AUTS2: variants seen among roughly 807,000 people sequenced by gnomAD.
AUTS2 encodes autism susceptibility gene 2 protein.
AUTS2 carries 17 observed loss-of-function variants against 112.4 expected under a neutral mutation model. The ratio of observed to expected loss-of-function variants is 0.15; its 90% CI spans 0.10 to 0.23. The LOEUF (loss-of-function observed/expected upper bound fraction) is 0.23, where lower values mean the gene tolerates loss of function less well. AUTS2 is among the 10% of genes least tolerant of loss of function. The probability of loss-of-function intolerance (pLI) is 1.00; values close to 1 mark genes in which losing one functional copy is unlikely to be tolerated. For synonymous variants in AUTS2, 751 were observed against 702.7 expected, an observed-to-expected ratio of 1.07 and a Z score of -1.09; for missense variants, 1,510 against 1,701.6, an observed-to-expected ratio of 0.89 and a Z score of 1.98.
intron 4 of AUTS2, among the ~76,000 whole-genome samples, chr7:70,186,501 C>T (rs914272635): frequency 1.8e-4 from 28 of 151,982 alleles, no homozygotes; most frequent in Admixed American, 1.3e-4. Context: ...ATAAGTTGTT[C>T]AGATAATTGC....
At chr7:70,211,581 G>C (rs1450683976) in intron 4 of AUTS2, among the ~76,000 whole-genome samples, 1 of 151,490 alleles carries the variant, frequency 6.6e-6, no homozygotes, top group Non-Finnish European at 1.5e-5. Flanking sequence ...CCTGGGAGGC[G>C]GAGGTTGCAG....
intron 4 of AUTS2, among the ~76,000 whole-genome samples, chr7:70,231,148 T>C (rs992530824): frequency 1.3e-5 from 2 of 152,242 alleles, no homozygotes; most frequent in African/African-American, 4.8e-5. Flanking sequence ...CATTGTTTAT[T>C]TTTGTGGCAA....
At chr7:70,407,332 C>A (rs1383097559) in intron 4 of AUTS2, among the ~76,000 whole-genome samples, 1 of 152,172 alleles carries the variant, frequency 6.6e-6, no homozygotes, top group Non-Finnish European at 1.5e-5. Flanking sequence ...CTCAGCTTTT[C>A]CAGGCTCTTT....
At chr7:70,318,322 G>A (rs1357683692) in intron 4 of AUTS2, among the ~76,000 whole-genome samples, 1 of 152,062 alleles carries the variant, frequency 6.6e-6, no homozygotes, top group African/African-American at 2.4e-5. Context: ...GAGCAAGGAC[G>A]TGGGCTAGAG....
At chr7:70,000,115 T>C (rs768453019) in intron 2 of AUTS2, among the ~76,000 whole-genome samples, 10 of 152,248 alleles carry the variant, frequency 6.6e-5, no homozygotes, top group Non-Finnish European at 1.2e-4. Context: ...AAAGTGTTCC[T>C]GCTATGTCAA....
chr7:70,328,326 G>T (rs1281725285), intron 4 of AUTS2, among the ~76,000 whole-genome samples: 1 of 152,080 alleles, frequency 6.6e-6, no homozygotes, highest in Admixed American at 6.5e-5. Context: ...GGCTCAAGCA[G>T]TCTTCCCACC....
intron 4 of AUTS2, among the ~76,000 whole-genome samples, chr7:70,431,045 G>A (rs1585135968): frequency 2.0e-5 from 3 of 152,060 alleles, no homozygotes; most frequent in East Asian, 3.9e-4. Context: ...CACCGTTTTA[G>A]CCGGGATGGT....
intron 5 of AUTS2, among the ~76,000 whole-genome samples, chr7:70,659,176 T>C (rs1176610422): frequency 6.6e-6 from 1 of 152,038 alleles, no homozygotes; most frequent in African/African-American, 2.4e-5. Context: ...CAGTGGGAGG[T>C]AGGCATGGAC....
chr7:69,940,055 C>T (rs192079448), intron 2 of AUTS2, among the ~76,000 whole-genome samples: 1 of 152,312 alleles, frequency 6.6e-6, no homozygotes, highest in African/African-American at 2.4e-5. Context: ...ATTCTTAGAA[C>T]AAACTTATAA....
chr7:69,973,856 T>C (rs1478588101), intron 2 of AUTS2, among the ~76,000 whole-genome samples: 11 of 152,268 alleles, frequency 7.2e-5, no homozygotes, highest in Non-Finnish European at 7.4e-5. Flanking sequence ...TTAAGGACTT[T>C]TGCATCTGTA....
intron 5 of AUTS2, among the ~76,000 whole-genome samples, chr7:70,653,580 T>C (rs1392077823): frequency 6.6e-6 from 1 of 152,232 alleles, no homozygotes; most frequent in Non-Finnish European, 1.5e-5. Context: ...TCCTGTCCTT[T>C]TGAAGGGCAT....
intron 5 of AUTS2, among the ~76,000 whole-genome samples, chr7:70,450,517 T>C (rs1186301585): frequency 6.6e-6 from 1 of 152,180 alleles, no homozygotes; most frequent in African/African-American, 2.4e-5. Context: ...AACTTCTGTT[T>C]GTTTGGTCAG....
intron 4 of AUTS2, among the ~76,000 whole-genome samples, chr7:70,135,560 G>A (rs1019612767): frequency 9.2e-5 from 14 of 152,052 alleles, no homozygotes; most frequent in Admixed American, 5.9e-4. Flanking sequence ...TATTTCTCTC[G>A]ATACATTTAC....
intron 1 of AUTS2, among the ~76,000 whole-genome samples, chr7:69,770,394 C>A (rs1003113204): frequency 6.6e-6 from 1 of 152,196 alleles, no homozygotes; most frequent in African/African-American, 2.4e-5. Context: ...ACTCACTACC[C>A]TCAGCCCTGA....
intron 1 of AUTS2, among the ~76,000 whole-genome samples, chr7:69,625,255 G>A (rs1793889967): frequency 6.6e-6 from 1 of 152,220 alleles, no homozygotes; most frequent in Non-Finnish European, 1.5e-5. Flanking sequence ...TGGCCCTGAA[G>A]TAGTTCTGTG....
At chr7:69,694,417 G>C (rs1324030546) in intron 1 of AUTS2, among the ~76,000 whole-genome samples, 1 of 152,060 alleles carries the variant, frequency 6.6e-6, no homozygotes, top group Non-Finnish European at 1.5e-5. Flanking sequence ...GCCATGTTTG[G>C]GGAAAAAAGT....
intron 4 of AUTS2, among the ~76,000 whole-genome samples, chr7:70,373,676 C>G (rs925841016): frequency 1.6e-4 from 24 of 152,244 alleles, no homozygotes; most frequent in African/African-American, 5.8e-4. Context: ...ACCTGTGGGA[C>G]AATCCTCTTC....
rs111479275 is a variant in AUTS2 at position 70,078,263 on chromosome 7, AC to A, written c.523-39868del. On this transcript the variant is annotated intron_variant, in intron 2 of 18. Coordinates refer to ENST00000342771, the MANE Select transcript of AUTS2 (RefSeq NM_015570.4). ...TGATAACCAAGACAGCTACTAAGTGACTAACAGGCAGGTAGCATATACACCA... is the reference window on the plus strand; with the variant it reads ...TGATAACCAAGACAGCTACTAAGTGATAACAGGCAGGTAGCATATACACCA... 1.6e-3 allele frequency among the ~76,000 whole-genome samples: 242 copies of A among 152,244 alleles called. 6 individuals carry two copies. The highest frequency in any genetic ancestry group is 5.5e-3 in the African/African-American group (228 of 41,548).
rs187460173 is a variant in AUTS2, at chr7:69,684,927, C to T, written c.309+84965C>T. Among the ~76,000 whole-genome samples the T allele has an allele frequency of 1.7e-4, 26 of 152,298 alleles. No homozygotes were observed. The East Asian group carries it at 4.8e-3, about 28-fold the overall frequency. Reference sequence around the variant, plus strand: ...AGGTCACAAGATGCGTCTTTCCTGGCAGTTAAAATCTGTATGTTCAGACTA... The same window carrying T: ...AGGTCACAAGATGCGTCTTTCCTGGTAGTTAAAATCTGTATGTTCAGACTA... On this transcript the variant is annotated intron_variant, in intron 1 of 18. Transcript: ENST00000342771.
Sources: gnomAD v4.1 joint callset for allele counts (sites outside exome capture counted in the v4.1 genomes callset) on GRCh38, gnomAD v4.1.1 for gene constraint, MANE v1.5 for transcripts, NCBI Gene and HGNC (gene_info 2026-07-23, HGNC 2026-07-21) for gene names.